Variants in FAM135B observed in about 807,000 individuals in gnomAD.
FAM135B encodes protein FAM135B.
In FAM135B, 43 loss-of-function variants were observed where a neutral mutation model predicts 127.7. That is an observed-to-expected ratio of 0.34 (90% CI 0.26 to 0.43). The LOEUF is 0.43. Ranked by LOEUF, FAM135B falls within the 20% of genes least tolerant of loss-of-function variation. The probability of loss-of-function intolerance (pLI) is 1.00; values close to 1 mark genes in which losing one functional copy is unlikely to be tolerated. For missense variants in FAM135B, 1,558 were observed against 1,725.6 expected (o/e 0.90, Z 1.72); for synonymous variants, 670 against 665.1 (o/e 1.01, Z -0.11).
At chr8:138,451,653 T>A (rs1836490409) in intron 1 of FAM135B, among the ~76,000 whole-genome samples, 1 of 152,226 alleles carries the variant, frequency 6.6e-6, no homozygotes, top group Non-Finnish European at 1.5e-5. Context: ...TCAACTGGAA[T>A]AGAGTTTGCT....
chr8:138,471,020 G>C (rs1415828873), intron 1 of FAM135B, among the ~76,000 whole-genome samples: 1 of 152,206 alleles, frequency 6.6e-6, no homozygotes, highest in African/African-American at 2.4e-5. Context: ...GTGGGGCTGA[G>C]AGGTAAATAC....
rs1820932950 is a variant in FAM135B, at chr8:138,242,826, C to T, written c.669+116G>A. ...GTGGGAAGATGGTGAAAGGAAGGGTCAAATTAGCAAAAATCTCTGAAGGGG... is the reference window on the plus strand; with the variant it reads ...GTGGGAAGATGGTGAAAGGAAGGGTTAAATTAGCAAAAATCTCTGAAGGGG... On this transcript the variant is annotated intron_variant, in intron 7 of 19. Transcript: ENST00000395297. This position sits in a 1 kb window ranked among gnomAD's most constrained non-coding sequence, Gnocchi z 9.6. 7.2e-7 allele frequency: 1 copy of T among 1,397,790 alleles called. No homozygotes were observed. Among genetic ancestry groups the T allele is most frequent in the African/African-American group, 1.5e-5 (1 of 68,894 alleles). 86.6% of individuals were successfully genotyped at this position (1,397,790 alleles called of 1,614,324 possible). A position where few individuals can be genotyped will look rare whatever the true frequency, so the allele number is the denominator to read the frequency against.
intron 1 of FAM135B, among the ~76,000 whole-genome samples, chr8:138,496,311 G>A (rs1366734708): frequency 6.6e-6 from 1 of 152,128 alleles, no homozygotes; most frequent in Non-Finnish European, 1.5e-5. Context: ...CTCCACCCCA[G>A]TGCGGTCTTC....
chr8:138,326,221 G>A lies in FAM135B; in HGVS notation c.78-15301C>T, dbSNP rs150163443. 2.9e-3 allele frequency among the ~76,000 whole-genome samples: 439 copies of A among 152,222 alleles called. 1 individual carries two copies. Among genetic ancestry groups the A allele is most frequent in the Middle Eastern group, 6.8e-3 (2 of 294 alleles). Reference sequence around the variant, plus strand: ...TTCTAGTTTGCATGAGTGGCCATGTGTCAATGTTGTGCTCAAAGAAGTTGC... The same window carrying A: ...TTCTAGTTTGCATGAGTGGCCATGTATCAATGTTGTGCTCAAAGAAGTTGC... On this transcript the variant is annotated intron_variant, in intron 2 of 19. Transcript: ENST00000395297.
intron 7 of FAM135B, among the ~76,000 whole-genome samples, chr8:138,211,092 C>G (rs1207163382): frequency 6.6e-6 from 1 of 152,176 alleles, no homozygotes; most frequent in Admixed American, 6.5e-5. Flanking sequence ...CTAATGTTAG[C>G]TCTCTCTTGG....
At chr8:138,486,017 G>C (rs1237757745) in intron 1 of FAM135B, among the ~76,000 whole-genome samples, 1 of 151,974 alleles carries the variant, frequency 6.6e-6, no homozygotes. Context: ...TTGCAGAAGT[G>C]GCTGGTAAAC....
intron 7 of FAM135B, among the ~76,000 whole-genome samples, chr8:138,206,632 TCATCCCCTCCACCTACACAGAACTCCAG>T (rs1817673923): frequency 7.5e-6 from 1 of 133,380 alleles, no homozygotes; most frequent in African/African-American, 2.8e-5. Context: ...CACAACTCTA[TCATCCCCTCCACCTACACAGAACTCCAG>T]CATCCCCTCC....
At chr8:138,348,083 C>T (rs553140509) in intron 2 of FAM135B, among the ~76,000 whole-genome samples, 2 of 151,592 alleles carry the variant, frequency 1.3e-5, no homozygotes, top group Admixed American at 1.3e-4. Flanking sequence ...CTCAAAGTTG[C>T]CCCCCATGCA....
rs1046697771 is a variant in FAM135B, at chr8:138,243,243, G to C, written c.543-175C>G. The stretch of plus-strand genomic sequence containing the variant: ...TTTGTGGATATTTTGATGATAAAGA[G>C]GGTACAACTGGCACGTAAGCTTGAA... On this transcript the variant is annotated intron_variant, in intron 6 of 19. Transcript: ENST00000395297. The surrounding 1 kb of genome is among the most constrained non-coding windows in gnomAD (Gnocchi z 7.5). 1.3e-5 allele frequency among the ~76,000 whole-genome samples: 2 copies of C among 152,140 alleles called. No individual in the cohort carries two copies.
intron 1 of FAM135B, among the ~76,000 whole-genome samples, chr8:138,412,285 C>T (rs1226283297): frequency 6.6e-6 from 1 of 152,124 alleles, no homozygotes; most frequent in Non-Finnish European, 1.5e-5. Context: ...GACTGCAGCC[C>T]CAGGCAACAC....
chr8:138,150,104 T>G (rs1309839843), intron 13 of FAM135B, among the ~76,000 whole-genome samples: 1 of 152,210 alleles, frequency 6.6e-6, no homozygotes, highest in Admixed American at 6.5e-5. Context: ...GATGGGATGT[T>G]TTGACAAAAT....
chr8:138,217,571 CA>C (rs1041222102), intron 7 of FAM135B, among the ~76,000 whole-genome samples: 1 of 151,568 alleles, frequency 6.6e-6, no homozygotes, highest in African/African-American at 2.4e-5. Flanking sequence ...GCTGGGACTA[CA>C]GGCGCCCACC....
intron 7 of FAM135B, among the ~76,000 whole-genome samples, chr8:138,234,427 G>T (rs151063151): frequency 7.2e-4 from 109 of 152,288 alleles, no homozygotes; most frequent in African/African-American, 2.5e-3. Context: ...CTTGTTCATT[G>T]CAGCATCATT....
chr8:138,444,052 G>T (rs181659009), intron 1 of FAM135B, among the ~76,000 whole-genome samples: 2 of 152,268 alleles, frequency 1.3e-5, no homozygotes, highest in Admixed American at 1.3e-4. Flanking sequence ...AAGAGACAAA[G>T]AAGGCCATTA....
At chr8:138,379,167 ACT>A (rs1281191967) in intron 1 of FAM135B, among the ~76,000 whole-genome samples, 1 of 152,186 alleles carries the variant, frequency 6.6e-6, no homozygotes, top group Non-Finnish European at 1.5e-5. Flanking sequence ...CAAGGAGCAT[ACT>A]GTCTCCAAGT....
At chr8:138,477,378 G>A (rs1220878492) in intron 1 of FAM135B, 1 of 152,076 alleles carries the variant, frequency 6.6e-6, no homozygotes, top group East Asian at 1.9e-4. Context: ...ACCTTCTCTA[G>A]GGATACCTTC....
At chr8:138,387,850 T>G (rs1832311317) in intron 1 of FAM135B, among the ~76,000 whole-genome samples, 1 of 152,166 alleles carries the variant, frequency 6.6e-6, no homozygotes, top group African/African-American at 2.4e-5. Flanking sequence ...TCTCCCTGCC[T>G]CCTCCATCCT....
chr8:138,279,923 T>C (rs938662768), intron 3 of FAM135B, among the ~76,000 whole-genome samples: 1 of 152,230 alleles, frequency 6.6e-6, no homozygotes, highest in African/African-American at 2.4e-5. Flanking sequence ...AGTGTTAGTC[T>C]GGGGAACTTG....
At chr8:138,289,481 G>A (rs1391839985) in intron 3 of FAM135B, among the ~76,000 whole-genome samples, 1 of 152,188 alleles carries the variant, frequency 6.6e-6, no homozygotes, top group Non-Finnish European at 1.5e-5. Context: ...CAAAGCTGTG[G>A]CCCTGGACAT....
Sources: gnomAD v4.1 joint callset for allele counts (sites outside exome capture counted in the v4.1 genomes callset) on GRCh38, gnomAD v4.1.1 for gene constraint, Gnocchi (gnomAD v3.1) non-coding constraint, MANE v1.5 for transcripts, NCBI Gene and HGNC (gene_info 2026-07-23, HGNC 2026-07-21) for gene names.